Variants in MCPH1 observed in about 807,000 individuals in gnomAD.
MCPH1 encodes the protein microcephalin.
A neutral mutation model predicts 84.5 loss-of-function variants in MCPH1; 104 were observed. The ratio of observed to expected loss-of-function variants is 1.23; its 90% CI spans 1.05 to 1.45. The LOEUF is 1.45. Among genes scored for constraint, MCPH1 ranks in the 40% most tolerant of loss-of-function variants. MCPH1 has a pLI of 0.00. For missense variants in MCPH1, 1,498 were observed against 1,005.7 expected, an observed-to-expected ratio of 1.49 and a Z score of -6.62; for synonymous variants, 514 against 366.8, an observed-to-expected ratio of 1.40 and a Z score of -4.58.
chr8:6,492,652 T>G lies in MCPH1; in HGVS notation c.2137-7200T>G, dbSNP rs181327014. On this transcript the variant is annotated intron_variant, in intron 11 of 13. Coordinates refer to ENST00000344683, the MANE Select transcript of MCPH1 (RefSeq NM_024596.5). ...AACAATTATTTAATAATATTAATAT[T>G]AAATAGTTAATATTAAATTTTTAGA... Among the ~76,000 whole-genome samples, 494 of 148,002 alleles carry G rather than the reference T, an allele frequency of 3.3e-3. 2 individuals carry two copies. Among genetic ancestry groups the G allele is most frequent in the African/African-American group, 0.011 (449 of 40,952 alleles).
intron 13 of MCPH1, chr8:6,626,520 G>C (rs574991301): frequency 2.0e-6 from 2 of 981,340 alleles, no homozygotes; most frequent in African/African-American, 1.8e-5. Flanking sequence ...CTTGTGGGTG[G>C]TTGAACATGG....
chr8:6,571,622 TAAA>T (rs1826664754), intron 12 of MCPH1, among the ~76,000 whole-genome samples: 1 of 152,136 alleles, frequency 6.6e-6, no homozygotes, highest in South Asian at 2.1e-4. Context: ...TAAAAAGAGA[TAAA>T]AATGTCATAT....
At chr8:6,408,103 T>C (rs116213467) in intron 1 of MCPH1, among the ~76,000 whole-genome samples, 30 of 152,284 alleles carry the variant, frequency 2.0e-4, no homozygotes, top group African/African-American at 7.2e-4. Context: ...ACTGGAAAAA[T>C]TAAGCGTAAG....
rs935528463 is a variant in MCPH1, at chr8:6,446,990, G to A, written c.1825+1443G>A. On this transcript the variant is annotated intron_variant, in intron 8 of 13. Coordinates refer to ENST00000344683, the MANE Select transcript of MCPH1 (RefSeq NM_024596.5). The stretch of plus-strand genomic sequence containing the variant: ...GACGGAGAGGTTTTTTCGCTCAGTG[G>A]TGCAGGCCATCAGGCAGGGGTGTCC... 8 of 985,020 alleles carry A rather than the reference G, an allele frequency of 8.1e-6. No homozygotes were observed. In the African/African-American group the frequency reaches 1.2e-4, roughly 15 times the overall value. The allele number at this position is 985,020 out of a possible 1,614,324, so 61.0% of individuals were successfully genotyped here. A position where few individuals can be genotyped will look rare whatever the true frequency, so the allele number is the denominator to read the frequency against.
At chr8:6,641,257 GTGTAAAAA>G (rs575035036) in intron 13 of MCPH1, among the ~76,000 whole-genome samples, 134 of 152,220 alleles carry the variant, frequency 8.8e-4, no homozygotes, top group Non-Finnish European at 1.5e-3. Context: ...AGAAAACTAA[GTGTAAAAA>G]TTGAATCCAT....
At chr8:6,406,780 A>G in intron 1 of MCPH1, 91 bp downstream of exon 1, 4 of 1,429,064 alleles carry the variant, frequency 2.8e-6, no homozygotes, top group African/African-American at 1.4e-5. Flanking sequence ...CCGTGGGAGG[A>G]GCCCCGCTCG....
intron 12 of MCPH1, among the ~76,000 whole-genome samples, chr8:6,597,657 A>T (rs978725395): frequency 2.0e-5 from 3 of 152,220 alleles, no homozygotes; most frequent in Middle Eastern, 6.8e-3. Flanking sequence ...CTAGGAAGGG[A>T]GAGGGAATGA....
chr8:6,539,747 T>C (rs1821198889), intron 12 of MCPH1, among the ~76,000 whole-genome samples: 2 of 152,118 alleles, frequency 1.3e-5, no homozygotes, highest in Admixed American at 1.3e-4. Context: ...CCACCATGCC[T>C]GGGAAATTTT....
At chr8:6,469,270 G>T (rs1262797802) in intron 9 of MCPH1, among the ~76,000 whole-genome samples, 4 of 152,106 alleles carry the variant, frequency 2.6e-5, no homozygotes, top group African/African-American at 9.7e-5. Context: ...ATTAAAAATG[G>T]GGGAATATCA....
Position 6,431,488 on chromosome 8 carries a change from T to A in MCPH1, c.234-11T>A. ...AAATACTCATTAGACTACCTTAATTTAATTATACAGATGCAGGACAGCTGG... is the reference window on the plus strand; with the variant it reads ...AAATACTCATTAGACTACCTTAATTAAATTATACAGATGCAGGACAGCTGG... On this transcript the variant is annotated splice_polypyrimidine_tract_variant and intron_variant, in intron 3 of 13. Coordinates refer to ENST00000344683, the MANE Select transcript of MCPH1 (RefSeq NM_024596.5). 6.2e-7 allele frequency: 1 copy of A among 1,607,236 alleles called. No individual in the cohort carries two copies. Among genetic ancestry groups the A allele is most frequent in the Non-Finnish European group, 8.5e-7 (1 of 1,173,960 alleles).
At chr8:6,478,533 G>C (rs1808770906) in intron 10 of MCPH1, among the ~76,000 whole-genome samples, 1 of 151,928 alleles carries the variant, frequency 6.6e-6, no homozygotes, top group Non-Finnish European at 1.5e-5. Flanking sequence ...TTTTCATTTA[G>C]GCCGTCTTCT....
chr8:6,564,093 T>C (rs1028322218), intron 12 of MCPH1, among the ~76,000 whole-genome samples: 6 of 151,828 alleles, frequency 4.0e-5, no homozygotes, highest in African/African-American at 1.5e-4. Flanking sequence ...GTGATTCTCT[T>C]GCCTCAGGCT....
chr8:6,466,618 T>G (rs998163584), intron 9 of MCPH1, among the ~76,000 whole-genome samples: 1 of 151,868 alleles, frequency 6.6e-6, no homozygotes, highest in Non-Finnish European at 1.5e-5. Flanking sequence ...TTTTTTTGTG[T>G]TTTAGTAGAG....
chr8:6,634,414 T>A (rs1797389839), intron 13 of MCPH1, among the ~76,000 whole-genome samples: 1 of 152,164 alleles, frequency 6.6e-6, no homozygotes, highest in South Asian at 2.1e-4. Flanking sequence ...ACCATTTGGG[T>A]GCTACTGCCC....
intron 12 of MCPH1, among the ~76,000 whole-genome samples, chr8:6,588,378 A>C (rs1424169479): frequency 1.3e-5 from 2 of 152,188 alleles, no homozygotes; most frequent in Admixed American, 1.3e-4. Context: ...GGACTGCAAC[A>C]AAAAGAAAAT....
At chr8:6,610,876 T>C (rs1270854857) in intron 12 of MCPH1, among the ~76,000 whole-genome samples, 1 of 152,168 alleles carries the variant, frequency 6.6e-6, no homozygotes, top group African/African-American at 2.4e-5. Flanking sequence ...CAAGAACTGT[T>C]TCACGGACAG....
intron 3 of MCPH1, among the ~76,000 whole-genome samples, chr8:6,421,877 G>A (rs1392320946): frequency 6.6e-6 from 1 of 151,822 alleles, no homozygotes; most frequent in African/African-American, 2.4e-5. Context: ...CGTCCCCAAG[G>A]CTACACTCTT....
In MCPH1 at chr8:6,509,175, A is replaced by G. The variant is rs1019600771; in HGVS notation, c.2214+9246A>G. The G allele has an allele frequency of 4.5e-5, 60 of 1,325,594 alleles. No homozygotes were observed. In the African/African-American group the frequency reaches 8.3e-4, roughly 18 times the overall value. 82.1% of individuals were successfully genotyped at this position (1,325,594 alleles called of 1,614,324 possible). A position where few individuals can be genotyped will look rare whatever the true frequency, so the allele number is the denominator to read the frequency against. On this transcript the variant is annotated intron_variant, in intron 12 of 13. Transcript: ENST00000344683. ...TACAGAAGCGTGTTCTGTACTCGTT[A>G]ATGGACTAATGCATACTCTGGACAA...
chr8:6,578,523 TA>T (rs761207800), intron 12 of MCPH1, among the ~76,000 whole-genome samples: 11 of 152,224 alleles, frequency 7.2e-5, no homozygotes, highest in Non-Finnish European at 1.2e-4. Flanking sequence ...GATCATTTTC[TA>T]AACATAACCA....
Sources: gnomAD v4.1 joint callset for allele counts (sites outside exome capture counted in the v4.1 genomes callset) on GRCh38, gnomAD v4.1.1 for gene constraint, MANE v1.5 for transcripts, NCBI Gene and HGNC (gene_info 2026-07-23, HGNC 2026-07-21) for gene names.